Variants in FUT9 observed in about 807,000 individuals in gnomAD.
FUT9 encodes fucosyltransferase 9.
In FUT9, 15 loss-of-function variants were observed where a neutral mutation model predicts 29.7. That is an observed-to-expected ratio of 0.51 (90% CI 0.34 to 0.78). FUT9 has a LOEUF of 0.78. Among genes scored for constraint, FUT9 ranks in the 30% least tolerant of loss-of-function variants. FUT9 has a pLI of 0.01. For missense variants in FUT9, 319 were observed against 425.4 expected (o/e 0.75, Z 2.20); for synonymous variants, 169 against 153.7 (o/e 1.10, Z -0.74).
intron 2 of FUT9, among the ~76,000 whole-genome samples, chr6:96,172,374 C>A (rs563586651): frequency 5.9e-5 from 9 of 152,106 alleles, no homozygotes; most frequent in Non-Finnish European, 8.8e-5. Context: ...ACATTTACAA[C>A]CATATACATT....
intron 2 of FUT9, among the ~76,000 whole-genome samples, chr6:96,176,262 C>T (rs1405690714): frequency 2.6e-5 from 4 of 152,128 alleles, no homozygotes; most frequent in African/African-American, 9.7e-5. Flanking sequence ...ATCACATAAG[C>T]CAACTCCTCT....
intron 2 of FUT9, among the ~76,000 whole-genome samples, chr6:96,198,290 CCA>C (rs898839643): frequency 6.0e-5 from 9 of 149,860 alleles, no homozygotes; most frequent in African/African-American, 2.0e-4. Flanking sequence ...ACAACAGTCC[CCA>C]GAGTGTGATG....
At chr6:96,049,932 T>C (rs569927095) in intron 1 of FUT9, among the ~76,000 whole-genome samples, 1 of 152,258 alleles carries the variant, frequency 6.6e-6, no homozygotes, top group East Asian at 1.9e-4. Flanking sequence ...TCATAATCAT[T>C]CTACAGGGCA....
intron 1 of FUT9, among the ~76,000 whole-genome samples, chr6:96,041,738 G>A (rs1770464353): frequency 3.3e-5 from 5 of 152,070 alleles, no homozygotes; most frequent in Admixed American, 3.3e-4. Context: ...TTTCTATTTA[G>A]GACATTAAAC....
intron 2 of FUT9, among the ~76,000 whole-genome samples, chr6:96,198,521 T>G (rs1773669613): frequency 6.6e-6 from 1 of 152,110 alleles, no homozygotes; most frequent in Non-Finnish European, 1.5e-5. Context: ...CTATCATTGT[T>G]GGACATTTGG....
chr6:96,142,624 C>A (rs755012915), intron 2 of FUT9, among the ~76,000 whole-genome samples: 2 of 152,300 alleles, frequency 1.3e-5, no homozygotes, highest in East Asian at 1.9e-4. Flanking sequence ...GTCCCACCCC[C>A]ACCTGAGAAG....
chr6:96,020,082 A>T (rs1044650992), intron 1 of FUT9, among the ~76,000 whole-genome samples: 1 of 151,520 alleles, frequency 6.6e-6, no homozygotes, highest in Non-Finnish European at 1.5e-5. Context: ...AGTTAAAGGT[A>T]ATCAGTCAAC....
At chr6:96,145,080 T>G (rs530032408) in intron 2 of FUT9, among the ~76,000 whole-genome samples, 26 of 152,268 alleles carry the variant, frequency 1.7e-4, no homozygotes, top group African/African-American at 6.0e-4. Flanking sequence ...TTGTTTGAGA[T>G]GGAGTCTTGC....
chr6:96,020,221 G>T (rs1461903045), intron 1 of FUT9, among the ~76,000 whole-genome samples: 2 of 152,070 alleles, frequency 1.3e-5, no homozygotes, highest in African/African-American at 4.8e-5. Context: ...CCTCACTTAT[G>T]CAGTGTAAGG....
chr6:96,030,051 A>G (rs1032025833), intron 1 of FUT9, among the ~76,000 whole-genome samples: 1 of 151,612 alleles, frequency 6.6e-6, no homozygotes, highest in Non-Finnish European at 1.5e-5. Context: ...GGTTTTTCTG[A>G]TGACCAGAAC....
At chr6:96,193,006 A>G (rs1773543822) in intron 2 of FUT9, among the ~76,000 whole-genome samples, 1 of 151,926 alleles carries the variant, frequency 6.6e-6, no homozygotes. Context: ...CCATATGAAG[A>G]AACCTGAAAC....
chr6:96,058,468 CAAAAAA>C (rs3079049), intron 1 of FUT9, among the ~76,000 whole-genome samples: 3 of 77,170 alleles, frequency 3.9e-5, no homozygotes, highest in African/African-American at 1.8e-4. Flanking sequence ...GGCTTTATTC[CAAAAAA>C]AAAAAAAAAA....
In FUT9 at chr6:96,189,453, C is replaced by T. The variant is rs114500226; in HGVS notation, c.-8-13695C>T. 3.5e-3 allele frequency among the ~76,000 whole-genome samples: 533 copies of T among 152,148 alleles called. 3 individuals are homozygous for T. Among genetic ancestry groups the T allele is most frequent in the Middle Eastern group, 0.014 (4 of 294 alleles). ...ATGTGATCTGTGGTTTGAAACATCA[C>T]GCTATTGGAGGAATCCCCAAATTTT... On this transcript the variant is annotated intron_variant, in intron 2 of 2. Coordinates refer to ENST00000302103, the MANE Select transcript of FUT9 (RefSeq NM_006581.4).
intron 2 of FUT9, among the ~76,000 whole-genome samples, chr6:96,144,663 T>C (rs558844118): frequency 6.6e-6 from 1 of 152,222 alleles, no homozygotes; most frequent in African/African-American, 2.4e-5. Context: ...TAAAAGAAAA[T>C]AAGAAATTGA....
At chr6:96,160,592 C>T (rs1437445344) in intron 2 of FUT9, among the ~76,000 whole-genome samples, 2 of 151,916 alleles carry the variant, frequency 1.3e-5, no homozygotes, top group African/African-American at 4.8e-5. Context: ...AAAACTTATC[C>T]AACTTGAAGA....
rs1431120796 is a variant in FUT9, at chr6:96,209,473, T to G, written c.*5238T>G. ...GACATCTTAATTGCCTGCAGAAAAATCAATCATATTTTAGGCATTATTTTG... is the reference window on the plus strand; with the variant it reads ...GACATCTTAATTGCCTGCAGAAAAAGCAATCATATTTTAGGCATTATTTTG... On this transcript the variant is annotated 3_prime_UTR_variant, in exon 3 of 3. Coordinates refer to ENST00000302103, the MANE Select transcript of FUT9 (RefSeq NM_006581.4). The G allele has an allele frequency of 6.0e-6, 1 of 166,794 alleles. No homozygotes were observed. The highest frequency in any genetic ancestry group is 2.4e-5 in the African/African-American group (1 of 41,392). 10.3% of individuals were successfully genotyped at this position (166,794 alleles called of 1,614,324 possible).
chr6:96,173,260 A>C (rs548326533), intron 2 of FUT9, among the ~76,000 whole-genome samples: 2 of 151,266 alleles, frequency 1.3e-5, no homozygotes, highest in Admixed American at 6.6e-5. Flanking sequence ...TCTCTGTAGA[A>C]TTATGCCTTA....
chr6:96,144,652 A>AT (rs1331993542), intron 2 of FUT9, among the ~76,000 whole-genome samples: 3 of 152,208 alleles, frequency 2.0e-5, no homozygotes, highest in East Asian at 3.9e-4. Flanking sequence ...GAGGCTAATT[A>AT]TAAAAGAAAA....
At chr6:96,155,308 G>C (rs1772759498) in intron 2 of FUT9, among the ~76,000 whole-genome samples, 1 of 152,108 alleles carries the variant, frequency 6.6e-6, no homozygotes, top group Non-Finnish European at 1.5e-5. Context: ...AGAGTGTTAT[G>C]GTCTGAAATG....
Sources: gnomAD v4.1 joint callset for allele counts (sites outside exome capture counted in the v4.1 genomes callset) on GRCh38, gnomAD v4.1.1 for gene constraint, MANE v1.5 for transcripts, NCBI Gene and HGNC (gene_info 2026-07-23, HGNC 2026-07-21) for gene names.